The following DLG2 variants were observed in gnomAD, a reference collection of about 807,000 sequenced individuals.
DLG2 encodes the protein disks large homolog 2.
A neutral mutation model predicts 132.5 loss-of-function variants in DLG2; 45 were observed. The ratio of observed to expected loss-of-function variants is 0.34; its 90% CI spans 0.27 to 0.44. The LOEUF (loss-of-function observed/expected upper bound fraction) is 0.44, where lower values mean the gene tolerates loss of function less well. DLG2 is among the 20% of genes least tolerant of loss of function. DLG2 has a pLI of 1.00. For synonymous variants in DLG2, 424 were observed against 419.6 expected (o/e 1.01, Z -0.13); for missense variants, 1,045 against 1,196.9 (o/e 0.87, Z 1.87).
intron 6 of DLG2, among the ~76,000 whole-genome samples, chr11:84,717,591 A>G (rs17808166): frequency 0.087 from 13,284 of 152,068 alleles, 664 homozygotes; most frequent in Middle Eastern, 0.12. Flanking sequence ...ATGTCATATC[A>G]ATATATAAAT....
At chr11:84,631,263 TAA>T (rs10715691) in intron 6 of DLG2, among the ~76,000 whole-genome samples, 22,462 of 151,472 alleles carry the variant, frequency 0.15, 2,519 homozygotes, top group East Asian at 0.45. Context: ...AATTAGCCCA[TAA>T]AAAAAAATCT....
At chr11:85,190,142 G>A (rs2080420567) in intron 4 of DLG2, among the ~76,000 whole-genome samples, 1 of 152,078 alleles carries the variant, frequency 6.6e-6, no homozygotes, top group Non-Finnish European at 1.5e-5. Flanking sequence ...TGTGTAATCA[G>A]TATAGAAAAT....
intron 6 of DLG2, among the ~76,000 whole-genome samples, chr11:84,854,352 G>T (rs965588593): frequency 6.6e-6 from 1 of 151,418 alleles, no homozygotes; most frequent in Non-Finnish European, 1.5e-5. Flanking sequence ...TTCCTCATTT[G>T]CAAGACTGGA....
chr11:85,490,744 C>A (rs1418864594), intron 3 of DLG2, among the ~76,000 whole-genome samples: 1 of 151,926 alleles, frequency 6.6e-6, no homozygotes, highest in Non-Finnish European at 1.5e-5. Context: ...TCCCCAGATT[C>A]AACCAGGAAA....
chr11:85,107,155 C>A (rs1364150573), intron 6 of DLG2, among the ~76,000 whole-genome samples: 2 of 151,860 alleles, frequency 1.3e-5, no homozygotes, highest in Non-Finnish European at 2.9e-5. Context: ...GTGATAGAAA[C>A]CTATAGATAT....
At chr11:83,895,037 C>T (rs1018302104) in intron 15 of DLG2, among the ~76,000 whole-genome samples, 4 of 151,820 alleles carry the variant, frequency 2.6e-5, no homozygotes, top group Admixed American at 1.3e-4. Flanking sequence ...TTCTTCTGGG[C>T]CTTGAAGTTT....
At chr11:84,697,904 T>C (rs2058785698) in intron 6 of DLG2, among the ~76,000 whole-genome samples, 1 of 151,526 alleles carries the variant, frequency 6.6e-6, no homozygotes, top group African/African-American at 2.4e-5. Flanking sequence ...GTATTTGTTT[T>C]CCACAATAAA....
At chr11:85,387,745 T>C (rs996530213) in intron 3 of DLG2, among the ~76,000 whole-genome samples, 10 of 152,122 alleles carry the variant, frequency 6.6e-5, no homozygotes, top group African/African-American at 2.4e-4. Context: ...TCACTCTGAG[T>C]CAATATATCT....
intron 6 of DLG2, among the ~76,000 whole-genome samples, chr11:84,806,520 A>C (rs11534570): frequency 6.6e-6 from 1 of 152,338 alleles, no homozygotes; most frequent in East Asian, 1.9e-4. Context: ...GGTTATATGG[A>C]AGTGATACAA....
At chr11:84,862,364 T>G in intron 6 of DLG2, among the ~76,000 whole-genome samples, 1 of 152,066 alleles carries the variant, frequency 6.6e-6, no homozygotes, top group Non-Finnish European at 1.5e-5. Context: ...GCTTTTACAC[T>G]GTTGGTGGGA....
chr11:84,906,340 C>T (rs866101451), intron 6 of DLG2, among the ~76,000 whole-genome samples: 4 of 149,794 alleles, frequency 2.7e-5, no homozygotes, highest in Middle Eastern at 3.5e-3. Flanking sequence ...AAAAAGTACT[C>T]GATGACTTGA....
intron 2 of DLG2, among the ~76,000 whole-genome samples, chr11:85,619,222 G>C (rs1467465474): frequency 1.3e-5 from 2 of 152,122 alleles, no homozygotes; most frequent in Non-Finnish European, 2.9e-5. Flanking sequence ...GGGATACCCA[G>C]GCTGGAGTTC....
Position 84,934,513 on chromosome 11 carries a change from TTG to T in DLG2, c.357+177146_357+177147del, listed in dbSNP as rs1491365260. On this transcript the variant is annotated intron_variant, in intron 6 of 27. Coordinates refer to ENST00000376104, the MANE Select transcript of DLG2 (RefSeq NM_001142699.3). ...CTGTATGGTCCTGGGTGTTTTTTTT[TTG>T]TTTTGTTTTGTTTTTTTTTTTTTTT... Among the ~76,000 whole-genome samples the T allele has an allele frequency of 1.3e-3, 83 of 66,040 alleles. 3 individuals are homozygous for T. The East Asian group carries it at 0.04, about 32-fold the overall frequency. The allele number at this position is 66,040 out of a possible 152,430, so 43.3% of individuals were successfully genotyped here.
chr11:84,827,378 T>A (rs2078459017), intron 6 of DLG2, among the ~76,000 whole-genome samples: 1 of 151,710 alleles, frequency 6.6e-6, no homozygotes, highest in Non-Finnish European at 1.5e-5. Context: ...AAAAAATTTA[T>A]GTCTGATGCA....
intron 6 of DLG2, among the ~76,000 whole-genome samples, chr11:84,833,389 C>T (rs1341507633): frequency 6.6e-6 from 1 of 151,522 alleles, no homozygotes; most frequent in South Asian, 2.1e-4. Flanking sequence ...GGAATGAAAA[C>T]TGGTTTTTAT....
intron 7 of DLG2, among the ~76,000 whole-genome samples, chr11:84,420,756 C>A (rs1243740976): frequency 6.9e-6 from 1 of 144,784 alleles, no homozygotes. Flanking sequence ...GCAAGCTCCG[C>A]CTCCCGGGTT....
chr11:84,430,000 G>A (rs1243328542), intron 7 of DLG2, among the ~76,000 whole-genome samples: 1 of 152,196 alleles, frequency 6.6e-6, no homozygotes, highest in Non-Finnish European at 1.5e-5. Flanking sequence ...CCAACTGAAG[G>A]TAGGTTTAAA....
intron 3 of DLG2, among the ~76,000 whole-genome samples, chr11:85,424,287 A>T (rs1489288542): frequency 1.3e-5 from 2 of 152,070 alleles, no homozygotes; most frequent in African/African-American, 4.8e-5. Context: ...CTGCAGGAGC[A>T]ATCTTCTTTT....
chr11:84,890,449 T>C (rs2089174738), intron 6 of DLG2, among the ~76,000 whole-genome samples: 1 of 152,158 alleles, frequency 6.6e-6, no homozygotes, highest in Admixed American at 6.5e-5. Flanking sequence ...TTTTAACAGT[T>C]TGAATAAGAA....
Sources: gnomAD v4.1 joint callset for allele counts (sites outside exome capture counted in the v4.1 genomes callset) on GRCh38, gnomAD v4.1.1 for gene constraint, MANE v1.5 for transcripts, NCBI Gene and HGNC (gene_info 2026-07-23, HGNC 2026-07-21) for gene names.